CDK6: variants seen among roughly 807,000 people sequenced by gnomAD.
CDK6 encodes the protein cyclin dependent kinase 6, also known as cyclin-dependent kinase 6.
Under a neutral mutation model 37.1 loss-of-function variants are expected in CDK6, and 6 were observed. That is an observed-to-expected ratio of 0.16 (90% CI 0.09 to 0.32). CDK6 has a LOEUF of 0.32. Among genes scored for constraint, CDK6 ranks in the 10% least tolerant of loss-of-function variants. The pLI is 1.00. For missense variants in CDK6, 224 were observed against 418.9 expected (o/e 0.53, Z 4.06); for synonymous variants, 160 against 161.3 (o/e 0.99, Z 0.06).
At chr7:92,771,224 CAA>C (rs1368775003) in intron 3 of CDK6, among the ~76,000 whole-genome samples, 3 of 72,072 alleles carry the variant, frequency 4.2e-5, no homozygotes, top group Admixed American at 1.8e-4. Flanking sequence ...GACTCCGTCT[CAA>C]AAAAAAAAAA....
At chr7:92,717,245 G>C (rs1480540782) in intron 4 of CDK6, among the ~76,000 whole-genome samples, 1 of 152,050 alleles carries the variant, frequency 6.6e-6, no homozygotes, top group Non-Finnish European at 1.5e-5. Context: ...GGGAGGCTGA[G>C]GCAGGAGGAT....
chr7:92,707,877 A>C (rs907505595), intron 4 of CDK6, among the ~76,000 whole-genome samples: 2 of 152,228 alleles, frequency 1.3e-5, no homozygotes, highest in Admixed American at 1.3e-4. Context: ...TATCAAGTGT[A>C]TGATATTATG....
At chr7:92,666,852 A>G (rs986389217) in intron 5 of CDK6, among the ~76,000 whole-genome samples, 1 of 152,216 alleles carries the variant, frequency 6.6e-6, no homozygotes, top group Non-Finnish European at 1.5e-5. Flanking sequence ...TTACTATATT[A>G]TACTTTTATC....
At chr7:92,688,679 T>G (rs149362714) in intron 4 of CDK6, among the ~76,000 whole-genome samples, 18 of 151,868 alleles carry the variant, frequency 1.2e-4, no homozygotes, top group Non-Finnish European at 2.5e-4. Context: ...GAACTTAGTA[T>G]TCTGAAATGT....
At chr7:92,683,284 C>T (rs566141311) in intron 4 of CDK6, among the ~76,000 whole-genome samples, 2 of 152,296 alleles carry the variant, frequency 1.3e-5, no homozygotes, top group African/African-American at 4.8e-5. Flanking sequence ...TGGGTTTTTC[C>T]TTGCTATGGA....
chr7:92,713,022 C>T (rs1798137467), intron 4 of CDK6, among the ~76,000 whole-genome samples: 1 of 152,098 alleles, frequency 6.6e-6, no homozygotes, highest in African/African-American at 2.4e-5. Flanking sequence ...CCACACCTGG[C>T]TAATTTTTGT....
chr7:92,707,305 T>C (rs1562941873), intron 4 of CDK6, among the ~76,000 whole-genome samples: 1 of 152,186 alleles, frequency 6.6e-6, no homozygotes, highest in Non-Finnish European at 1.5e-5. Flanking sequence ...AAAGAACTTA[T>C]TTAAGGTCAC....
At chr7:92,749,340 G>A (rs1799135580) in intron 3 of CDK6, among the ~76,000 whole-genome samples, 1 of 152,100 alleles carries the variant, frequency 6.6e-6, no homozygotes. Flanking sequence ...AGCTTGGTGT[G>A]GTAGTGTGCA....
intron 2 of CDK6, among the ~76,000 whole-genome samples, chr7:92,831,489 C>A (rs1306717490): frequency 6.6e-6 from 1 of 152,136 alleles, no homozygotes; most frequent in East Asian, 1.9e-4. Flanking sequence ...TTAGGTGATT[C>A]CCCTAGGACG....
chr7:92,684,628 T>C (rs900428954), intron 4 of CDK6, among the ~76,000 whole-genome samples: 1 of 152,170 alleles, frequency 6.6e-6, no homozygotes, highest in Non-Finnish European at 1.5e-5. Flanking sequence ...TTGTATTCTA[T>C]CTCTGCAAAT....
In CDK6 at chr7:92,784,224, C is replaced by T. The variant is rs530602527; in HGVS notation, c.234-9393G>A. 1.2e-4 allele frequency among the ~76,000 whole-genome samples: 18 copies of T among 152,252 alleles called. No homozygotes were observed. In the South Asian group the frequency reaches 2.7e-3, roughly 23 times the overall value. On this transcript the variant is annotated intron_variant, in intron 2 of 7. Coordinates refer to ENST00000424848, the MANE Select transcript of CDK6 (RefSeq NM_001145306.2). ...AGTCACTAACCATGTGGATCATTAT[C>T]TCCCCAAAGACAAGAGAAAGATAAC...
In CDK6 at chr7:92,607,800, C is replaced by A; in HGVS notation, c.*7340G>T. ...TTCCATGTACTAACTAATATATTTA[C>A]TACAGGTAATAGGAAAACAAATGAA... On this transcript the variant is annotated 3_prime_UTR_variant, in exon 8 of 8. Transcript: ENST00000424848. 4.4e-6 allele frequency: 1 copy of A among 224,818 alleles called. No individual in the cohort carries two copies. Among genetic ancestry groups the A allele is most frequent in the Non-Finnish European group, 8.9e-6 (1 of 112,926 alleles). The allele number at this position is 224,818 out of a possible 1,614,324, so 13.9% of individuals were successfully genotyped here. A position where few individuals can be genotyped will look rare whatever the true frequency, so the allele number is the denominator to read the frequency against.
chr7:92,614,992 C>CTGT lies in CDK6; in HGVS notation c.*147_*148insACA. The CTGT allele has an allele frequency of 1.5e-6, 1 of 685,434 alleles. No homozygotes were observed. Among genetic ancestry groups the CTGT allele is most frequent in the Non-Finnish European group, 2.4e-6 (1 of 413,332 alleles). The allele number at this position is 685,434 out of a possible 1,614,324, so 42.5% of individuals were successfully genotyped here. A position where few individuals can be genotyped will look rare whatever the true frequency, so the allele number is the denominator to read the frequency against. ...TTCAAAACAGTAAACTAGGCGGTTT[C>CTGT]CTTGGAGAAGCAGAGCCTGTCCAGA... On this transcript the variant is annotated 3_prime_UTR_variant, in exon 8 of 8. Coordinates refer to ENST00000424848, the MANE Select transcript of CDK6 (RefSeq NM_001145306.2).
In CDK6 at chr7:92,614,730, T is replaced by C. The variant is rs1001457425; in HGVS notation, c.*410A>G. ...ACACACACACACACACACACACACA[T>C]GCACACACACACTCAAAAGTACCAA... On this transcript the variant is annotated 3_prime_UTR_variant, in exon 8 of 8. Transcript: ENST00000424848. 2.1e-4 allele frequency: 55 copies of C among 256,196 alleles called. 1 individual carries two copies. Among genetic ancestry groups the C allele is most frequent in the Middle Eastern group, 1.1e-3 (1 of 928 alleles). 15.9% of individuals were successfully genotyped at this position (256,196 alleles called of 1,614,324 possible). A position where few individuals can be genotyped will look rare whatever the true frequency, so the allele number is the denominator to read the frequency against.
chr7:92,675,025 G>A (rs1797172607), intron 4 of CDK6, among the ~76,000 whole-genome samples: 1 of 152,014 alleles, frequency 6.6e-6, no homozygotes, highest in Non-Finnish European at 1.5e-5. Context: ...GTAGAGATAG[G>A]GTTTCACCAT....
At chr7:92,697,284 G>A (rs1369992084) in intron 4 of CDK6, among the ~76,000 whole-genome samples, 2 of 152,110 alleles carry the variant, frequency 1.3e-5, no homozygotes, top group Non-Finnish European at 2.9e-5. Flanking sequence ...TGCAGAAACT[G>A]ACTAGAAGGA....
intron 4 of CDK6, among the ~76,000 whole-genome samples, chr7:92,717,036 ATCATATAGGGTG>A (rs1798243912): frequency 6.6e-6 from 1 of 152,164 alleles, no homozygotes; most frequent in Non-Finnish European, 1.5e-5. Context: ...TTTGAATGGC[ATCATATAGGGTG>A]TCCGTATGAA....
In CDK6 at chr7:92,610,694, C is replaced by G; in HGVS notation, c.*4446G>C. 1 of 226,810 alleles carries G rather than the reference C, an allele frequency of 4.4e-6. No homozygotes were observed. Among genetic ancestry groups the G allele is most frequent in the Non-Finnish European group, 8.8e-6 (1 of 114,122 alleles). 14.0% of individuals were successfully genotyped at this position (226,810 alleles called of 1,614,324 possible). On this transcript the variant is annotated 3_prime_UTR_variant, in exon 8 of 8. Coordinates refer to ENST00000424848, the MANE Select transcript of CDK6 (RefSeq NM_001145306.2). ...CATTTCTAATTACTCTAAGGACTTA[C>G]ATTTCTTGGCACACTTTGGTAGCCT...
intron 5 of CDK6, among the ~76,000 whole-genome samples, chr7:92,664,073 G>A (rs993097903): frequency 4.0e-5 from 6 of 151,856 alleles, no homozygotes; most frequent in African/African-American, 7.3e-5. Context: ...CCCGGGAGGC[G>A]GAACTTGCAG....
Sources: gnomAD v4.1 joint callset for allele counts (sites outside exome capture counted in the v4.1 genomes callset) on GRCh38, gnomAD v4.1.1 for gene constraint, MANE v1.5 for transcripts, NCBI Gene and HGNC (gene_info 2026-07-23, HGNC 2026-07-21) for gene names.